PRKCB: variants seen among roughly 807,000 people sequenced by gnomAD.
The protein encoded by PRKCB is protein kinase C beta, also known as protein kinase C beta type.
Under a neutral mutation model 81.5 loss-of-function variants are expected in PRKCB, and 13 were observed. That is an observed-to-expected ratio of 0.16 (90% CI 0.10 to 0.25). The LOEUF is 0.25. Among genes scored for constraint, PRKCB ranks in the 10% least tolerant of loss-of-function variants. The probability of loss-of-function intolerance (pLI) is 1.00; values close to 1 mark genes in which losing one functional copy is unlikely to be tolerated. For synonymous variants in PRKCB, 335 were observed against 321.4 expected (o/e 1.04, Z -0.45); for missense variants, 509 against 875.7 (o/e 0.58, Z 5.29).
intron 2 of PRKCB, among the ~76,000 whole-genome samples, chr16:23,971,215 T>A (rs1964551106): frequency 6.6e-6 from 1 of 152,226 alleles, no homozygotes; most frequent in Non-Finnish European, 1.5e-5. Flanking sequence ...TCAGCTCTAA[T>A]CAAAACTGAC....
chr16:23,842,042 C>T (rs897368682), intron 2 of PRKCB, among the ~76,000 whole-genome samples: 1 of 152,122 alleles, frequency 6.6e-6, no homozygotes, highest in Non-Finnish European at 1.5e-5. Flanking sequence ...CTGCCAGCCT[C>T]AAGCCAGGAG....
At chr16:24,071,374 C>T (rs778958791) in intron 5 of PRKCB, among the ~76,000 whole-genome samples, 7 of 129,020 alleles carry the variant, frequency 5.4e-5, no homozygotes, top group Admixed American at 1.8e-4. Context: ...GAGGCCAAGG[C>T]GGGTGGATCG....
At chr16:24,048,867 C>T (rs957261420) in intron 5 of PRKCB, among the ~76,000 whole-genome samples, 7 of 152,062 alleles carry the variant, frequency 4.6e-5, no homozygotes, top group African/African-American at 1.7e-4. Flanking sequence ...CTCCTAACAA[C>T]TTTTGCTATT....
At chr16:23,867,310 C>T (rs1233878310) in intron 2 of PRKCB, among the ~76,000 whole-genome samples, 1 of 151,954 alleles carries the variant, frequency 6.6e-6, no homozygotes. Context: ...TTAGTAGAGA[C>T]GGGGTTTCGC....
intron 2 of PRKCB, among the ~76,000 whole-genome samples, chr16:23,881,274 A>T (rs1451959321): frequency 7.8e-6 from 1 of 128,604 alleles, no homozygotes; most frequent in Admixed American, 8.4e-5. Flanking sequence ...TTTTTTTGAG[A>T]CAGAGTCTCG....
At chr16:24,128,329 C>T (rs562124117) in intron 9 of PRKCB, among the ~76,000 whole-genome samples, 1 of 152,238 alleles carries the variant, frequency 6.6e-6, no homozygotes, top group South Asian at 2.1e-4. Context: ...GAGCCGAGAT[C>T]GTGCCACTGC....
chr16:23,899,171 C>T (rs896536610), intron 2 of PRKCB, among the ~76,000 whole-genome samples: 15 of 152,164 alleles, frequency 9.9e-5, no homozygotes, highest in African/African-American at 2.9e-4. Context: ...GAAACAAGTG[C>T]TTCTCCCTCC....
At chr16:24,183,603 T>G (rs1461524940) in intron 13 of PRKCB, among the ~76,000 whole-genome samples, 1 of 152,224 alleles carries the variant, frequency 6.6e-6, no homozygotes, top group African/African-American at 2.4e-5. Context: ...AATAACTGAA[T>G]TATAAAACAT....
intron 3 of PRKCB, among the ~76,000 whole-genome samples, chr16:24,015,959 C>G (rs532140750): frequency 2.0e-4 from 30 of 152,268 alleles, no homozygotes; most frequent in African/African-American, 6.5e-4. Flanking sequence ...ATGCCCTGAG[C>G]AGTGATAATT....
chr16:23,974,116 A>G (rs72779913), intron 2 of PRKCB, among the ~76,000 whole-genome samples: 3 of 152,266 alleles, frequency 2.0e-5, no homozygotes, highest in Non-Finnish European at 4.4e-5. Context: ...GCTAGACTGA[A>G]CAGAATTAGT....
chr16:23,993,545 TGTCTCTGTCA>T (rs1274845635), intron 3 of PRKCB, among the ~76,000 whole-genome samples: 1 of 152,232 alleles, frequency 6.6e-6, no homozygotes, highest in African/African-American at 2.4e-5. Flanking sequence ...AAGAAAGGTA[TGTCTCTGTCA>T]ATACTTTGAG....
chr16:24,119,709 A>T (rs1243687047), intron 8 of PRKCB, among the ~76,000 whole-genome samples: 2 of 152,090 alleles, frequency 1.3e-5, no homozygotes, highest in African/African-American at 4.8e-5. Flanking sequence ...CTTCTGTCCT[A>T]CCCTGGCTCT....
chr16:24,020,976 T>TTTTCCTTC (rs1965353473), intron 3 of PRKCB, among the ~76,000 whole-genome samples: 1 of 96,630 alleles, frequency 1.0e-5, no homozygotes, highest in Non-Finnish European at 2.1e-5. Flanking sequence ...AGACTTTTCT[T>TTTTCCTTC]TTTCTTTCTT....
intron 9 of PRKCB, among the ~76,000 whole-genome samples, chr16:24,148,032 T>C (rs1431266228): frequency 6.6e-6 from 1 of 152,134 alleles, no homozygotes; most frequent in African/African-American, 2.4e-5. Context: ...TTAGAGACAA[T>C]TGTCTGCTAC....
intron 7 of PRKCB, among the ~76,000 whole-genome samples, chr16:24,097,755 G>A (rs1966462156): frequency 1.3e-5 from 2 of 152,152 alleles, no homozygotes; most frequent in African/African-American, 2.4e-5. Context: ...GGAAAGGCAG[G>A]ACAACTAAAA....
At chr16:23,838,842 T>G (rs946532645) in intron 2 of PRKCB, among the ~76,000 whole-genome samples, 4 of 152,204 alleles carry the variant, frequency 2.6e-5, no homozygotes, top group African/African-American at 9.6e-5. Context: ...CTTACCAAGA[T>G]TTGGATCCTC....
intron 5 of PRKCB, among the ~76,000 whole-genome samples, chr16:24,086,825 T>G (rs1596541988): frequency 6.6e-6 from 1 of 152,228 alleles, no homozygotes; most frequent in African/African-American, 2.4e-5. Context: ...CTTTTCTATA[T>G]ATTTACATTC....
At position 24,094,809 on chromosome 16, in the gene PRKCB, G is replaced by GAGGAAGGAAGGA. The variant is rs71154277; in HGVS notation, c.821+546_821+557dup. 4.5e-3 allele frequency among the ~76,000 whole-genome samples: 521 copies of GAGGAAGGAAGGA among 116,738 alleles called. 3 individuals are homozygous for GAGGAAGGAAGGA. The highest frequency in any genetic ancestry group is 0.011 in the African/African-American group (345 of 30,338). The allele number at this position is 116,738 out of a possible 152,430, so 76.6% of individuals were successfully genotyped here. On this transcript the variant is annotated intron_variant, in intron 7 of 16. Coordinates refer to ENST00000643927, the MANE Select transcript of PRKCB (RefSeq NM_002738.7). Reference sequence around the variant, plus strand: ...GAGAGAAGGAATGAAGGAAGGGAGGGAGGAAGGAAGGAAGGAAGGAAGGAA... The same window carrying GAGGAAGGAAGGA: ...GAGAGAAGGAATGAAGGAAGGGAGGGAGGAAGGAAGGAAGGAAGGAAGGAAGGAAGGAAGGAA...
At chr16:24,161,097 G>A (rs1967248211) in intron 10 of PRKCB, among the ~76,000 whole-genome samples, 1 of 151,766 alleles carries the variant, frequency 6.6e-6, no homozygotes, top group Non-Finnish European at 1.5e-5. Flanking sequence ...AAAGATAAAA[G>A]ATTCTTAATA....
Sources: allele counts gnomAD v4.1 joint callset (sites outside exome capture counted in the v4.1 genomes callset), GRCh38; gene constraint gnomAD v4.1.1; transcripts MANE v1.5; gene names NCBI Gene and HGNC (gene_info 2026-07-23, HGNC 2026-07-21).